Variants in SMYD3 observed in about 807,000 individuals in gnomAD.
SMYD3 encodes the protein histone-lysine N-methyltransferase SMYD3.
SMYD3 carries 36 observed loss-of-function variants against 57.7 expected under a neutral mutation model. That is an observed-to-expected ratio of 0.62 (90% CI 0.48 to 0.82). The LOEUF is 0.82. Among genes scored for constraint, SMYD3 ranks in the 40% least tolerant of loss-of-function variants. The probability of loss-of-function intolerance (pLI) is 0.00; values close to 1 mark genes in which losing one functional copy is unlikely to be tolerated. For synonymous variants in SMYD3, 211 were observed against 195.0 expected, an observed-to-expected ratio of 1.08 and a Z score of -0.68; for missense variants, 515 against 538.8, an observed-to-expected ratio of 0.96 and a Z score of 0.44.
At chr1:245,839,683 G>A (rs1339327228) in intron 10 of SMYD3, among the ~76,000 whole-genome samples, 1 of 152,062 alleles carries the variant, frequency 6.6e-6, no homozygotes, top group East Asian at 1.9e-4. Flanking sequence ...CAGTGGGTCA[G>A]TTATGTGGTA....
chr1:246,233,649 G>A (rs1479358705), intron 5 of SMYD3, among the ~76,000 whole-genome samples: 1 of 137,302 alleles, frequency 7.3e-6, no homozygotes, highest in Non-Finnish European at 1.5e-5. Flanking sequence ...AATTCACACT[G>A]TGATGAACAT....
At chr1:246,224,876 G>A (rs2063305703) in intron 5 of SMYD3, among the ~76,000 whole-genome samples, 1 of 152,004 alleles carries the variant, frequency 6.6e-6, no homozygotes, top group South Asian at 2.1e-4. Flanking sequence ...ATTGAGGTGG[G>A]AAAAACAGAA....
chr1:246,255,074 G>C (rs751761696), intron 5 of SMYD3, among the ~76,000 whole-genome samples: 18 of 152,140 alleles, frequency 1.2e-4, no homozygotes, highest in Non-Finnish European at 2.1e-4. Context: ...CACTTGCAAA[G>C]AGAAATAGTT....
chr1:246,393,988 C>A (rs1043468234), intron 1 of SMYD3, among the ~76,000 whole-genome samples: 2 of 152,190 alleles, frequency 1.3e-5, no homozygotes, highest in Non-Finnish European at 2.9e-5. Context: ...CACATGAATT[C>A]CATCTTTCTT....
At chr1:245,944,291 C>T (rs1011864172) in intron 5 of SMYD3, among the ~76,000 whole-genome samples, 24 of 151,716 alleles carry the variant, frequency 1.6e-4, no homozygotes, top group African/African-American at 4.6e-4. Flanking sequence ...CTTCAGCAAA[C>T]TCTCGGGATT....
intron 8 of SMYD3, among the ~76,000 whole-genome samples, chr1:245,872,782 G>A (rs532715446): frequency 2.1e-4 from 32 of 152,308 alleles, no homozygotes; most frequent in Non-Finnish European, 3.5e-4. Flanking sequence ...AACCAACTGC[G>A]ATTTCAAGGT....
intron 1 of SMYD3, among the ~76,000 whole-genome samples, chr1:246,400,942 GAC>G (rs1028156516): frequency 2.0e-5 from 3 of 152,056 alleles, no homozygotes; most frequent in Non-Finnish European, 4.4e-5. Flanking sequence ...GTCTTTTTCA[GAC>G]ACACTCAAAA....
chr1:246,371,099 G>C (rs924115036), intron 1 of SMYD3, among the ~76,000 whole-genome samples: 2 of 152,136 alleles, frequency 1.3e-5, no homozygotes, highest in African/African-American at 4.8e-5. Flanking sequence ...CTTTAGGCAA[G>C]GTAATGTCTG....
intron 11 of SMYD3, among the ~76,000 whole-genome samples, chr1:245,753,707 G>A (rs144441689): frequency 7.9e-5 from 12 of 152,322 alleles, no homozygotes; most frequent in East Asian, 1.9e-4. Flanking sequence ...GCAGGAAGAT[G>A]AGGAGGGCTT....
intron 5 of SMYD3, among the ~76,000 whole-genome samples, chr1:246,287,043 TG>T (rs2064583196): frequency 6.6e-6 from 1 of 152,002 alleles, no homozygotes; most frequent in African/African-American, 2.4e-5. Flanking sequence ...GCTAATTTTT[TG>T]TATTTTTAGT....
At chr1:245,817,016 C>G (rs1054025508) in intron 10 of SMYD3, among the ~76,000 whole-genome samples, 4 of 151,094 alleles carry the variant, frequency 2.6e-5, no homozygotes, top group Admixed American at 2.6e-4. Context: ...ACAAAGCAGC[C>G]GGGAAGCTCG....
intron 10 of SMYD3, among the ~76,000 whole-genome samples, chr1:245,829,468 G>T (rs531359303): frequency 6.6e-6 from 1 of 152,020 alleles, no homozygotes; most frequent in South Asian, 2.1e-4. Flanking sequence ...CTAAAATCAA[G>T]AAGACATGTA....
At chr1:246,028,842 C>T (rs977456492) in intron 5 of SMYD3, among the ~76,000 whole-genome samples, 3 of 152,074 alleles carry the variant, frequency 2.0e-5, no homozygotes, top group African/African-American at 7.2e-5. Flanking sequence ...TGCTACAAAG[C>T]TATAGGAACC....
chr1:246,254,727 T>C (rs2063853405), intron 5 of SMYD3, among the ~76,000 whole-genome samples: 1 of 152,230 alleles, frequency 6.6e-6, no homozygotes, highest in African/African-American at 2.4e-5. Flanking sequence ...ATGGGCAGAA[T>C]GGCCATTTTA....
intron 5 of SMYD3, among the ~76,000 whole-genome samples, chr1:246,253,028 T>C (rs1385152783): frequency 6.6e-6 from 1 of 152,256 alleles, no homozygotes; most frequent in African/African-American, 2.4e-5. Flanking sequence ...ATTTGACATT[T>C]CAATTTCAGC....
intron 10 of SMYD3, among the ~76,000 whole-genome samples, chr1:245,823,291 G>C (rs2049282913): frequency 6.6e-6 from 1 of 152,050 alleles, no homozygotes; most frequent in Non-Finnish European, 1.5e-5. Context: ...CTTCCCCCAA[G>C]CTTTCTTGCT....
At chr1:246,446,586 C>T (rs1254596337) in intron 1 of SMYD3, among the ~76,000 whole-genome samples, 2 of 152,134 alleles carry the variant, frequency 1.3e-5, no homozygotes, top group Non-Finnish European at 2.9e-5. Context: ...ATCTCCATGA[C>T]AGGTTTCATT....
chr1:246,264,838 A>G (rs548580577), intron 5 of SMYD3, among the ~76,000 whole-genome samples: 1 of 152,302 alleles, frequency 6.6e-6, no homozygotes, highest in South Asian at 2.1e-4. Context: ...AATAATAACC[A>G]CTATTTACTA....
chr1:246,280,732 T>C (rs548432240), intron 5 of SMYD3, among the ~76,000 whole-genome samples: 2 of 152,232 alleles, frequency 1.3e-5, no homozygotes, highest in Non-Finnish European at 2.9e-5. Context: ...AAAAAAACAC[T>C]GTGCTTGCAA....
Sources: allele counts gnomAD v4.1 joint callset (sites outside exome capture counted in the v4.1 genomes callset), GRCh38; gene constraint gnomAD v4.1.1; transcripts MANE v1.5; gene names NCBI Gene and HGNC (gene_info 2026-07-23, HGNC 2026-07-21).